Variants in GRID1 observed in about 807,000 individuals in gnomAD.
The protein encoded by GRID1 is glutamate ionotropic receptor delta type subunit 1, also known as glutamate receptor ionotropic, delta-1.
In GRID1, 28 loss-of-function variants were observed where a neutral mutation model predicts 98.0. The ratio of observed to expected loss-of-function variants is 0.29; its 90% CI spans 0.21 to 0.39. The LOEUF is 0.39. Ranked by LOEUF, GRID1 falls within the 10% of genes least tolerant of loss-of-function variation. The pLI is 1.00. For missense variants in GRID1, 1,111 were observed against 1,340.5 expected (o/e 0.83, Z 2.67); for synonymous variants, 553 against 538.5 (o/e 1.03, Z -0.37).
chr10:85,862,083 C>T (rs1426217193), intron 6 of GRID1, among the ~76,000 whole-genome samples: 3 of 152,222 alleles, frequency 2.0e-5, no homozygotes, highest in African/African-American at 7.2e-5. Flanking sequence ...CCTCTCACCC[C>T]TTGCCCCAGG....
intron 8 of GRID1, among the ~76,000 whole-genome samples, chr10:85,749,753 T>C (rs907322716): frequency 1.1e-4 from 16 of 152,320 alleles, no homozygotes; most frequent in East Asian, 1.9e-4. Context: ...TTAGAGCCTT[T>C]GTACATGCTC....
chr10:85,841,202 G>C (rs926093212), intron 8 of GRID1, among the ~76,000 whole-genome samples: 5 of 152,076 alleles, frequency 3.3e-5, no homozygotes, highest in African/African-American at 1.2e-4. Flanking sequence ...ACAACTACCT[G>C]ATCTTCAACA....
intron 12 of GRID1, among the ~76,000 whole-genome samples, chr10:85,715,968 A>G (rs2132642166): frequency 6.6e-6 from 1 of 151,200 alleles, no homozygotes; most frequent in South Asian, 2.1e-4. Context: ...GTGCAGTGGC[A>G]TGATCTCGGC....
intron 5 of GRID1, among the ~76,000 whole-genome samples, chr10:85,877,544 C>T (rs1403778422): frequency 5.9e-5 from 9 of 152,214 alleles, no homozygotes. Context: ...CTCCAACAGA[C>T]CTCCAGCTGA....
At chr10:85,786,578 C>T (rs1842431208) in intron 8 of GRID1, among the ~76,000 whole-genome samples, 2 of 152,206 alleles carry the variant, frequency 1.3e-5, no homozygotes, top group South Asian at 4.1e-4. Context: ...AGCTTTCTCC[C>T]CGACATCCCT....
At chr10:86,256,523 G>A (rs1457063657) in intron 2 of GRID1, among the ~76,000 whole-genome samples, 1 of 152,086 alleles carries the variant, frequency 6.6e-6, no homozygotes, top group Non-Finnish European at 1.5e-5. Flanking sequence ...AACTCACCCT[G>A]TTGGCAAGAG....
intron 4 of GRID1, among the ~76,000 whole-genome samples, chr10:85,928,210 A>C (rs1340213335): frequency 6.6e-6 from 1 of 152,212 alleles, no homozygotes; most frequent in Non-Finnish European, 1.5e-5. Context: ...CCTGTGATCC[A>C]GCTGCTCTGG....
At chr10:85,863,734 G>A (rs112837266) in intron 6 of GRID1, among the ~76,000 whole-genome samples, 11,279 of 152,300 alleles carry the variant, frequency 0.074, 481 homozygotes, top group Middle Eastern at 0.13. Context: ...GAGGACAGGA[G>A]GGTGTGCCTG....
At chr10:85,680,676 C>T (rs1841198706) in intron 12 of GRID1, among the ~76,000 whole-genome samples, 1 of 152,150 alleles carries the variant, frequency 6.6e-6, no homozygotes. Context: ...TGCACTCATG[C>T]TCATGTTTAT....
intron 8 of GRID1, among the ~76,000 whole-genome samples, chr10:85,824,236 A>G (rs1254085469): frequency 6.6e-6 from 1 of 152,094 alleles, no homozygotes; most frequent in East Asian, 1.9e-4. Context: ...GCCTTGTCGC[A>G]AGAGTACGAT....
At chr10:85,623,466 C>A (rs2132525690) in intron 13 of GRID1, among the ~76,000 whole-genome samples, 1 of 152,284 alleles carries the variant, frequency 6.6e-6, no homozygotes, top group Admixed American at 6.5e-5. Flanking sequence ...TTCCACGTGG[C>A]CCCAAATAAT....
chr10:85,776,536 G>T (rs895549257), intron 8 of GRID1, among the ~76,000 whole-genome samples: 5 of 152,204 alleles, frequency 3.3e-5, no homozygotes, highest in African/African-American at 1.2e-4. Flanking sequence ...GAACTGGGGT[G>T]GCCTGTGTTG....
At chr10:86,085,430 C>T (rs1028494810) in intron 4 of GRID1, among the ~76,000 whole-genome samples, 7 of 152,156 alleles carry the variant, frequency 4.6e-5, no homozygotes, top group Admixed American at 3.9e-4. Context: ...GGAAAACAGG[C>T]ATGAAAGCAG....
At chr10:85,933,130 C>T (rs1841879570) in intron 4 of GRID1, among the ~76,000 whole-genome samples, 1 of 151,964 alleles carries the variant, frequency 6.6e-6, no homozygotes, top group South Asian at 2.1e-4. Context: ...GAGTTTGACT[C>T]CCTCTTGCTC....
chr10:85,966,681 G>A (rs1397764568), intron 4 of GRID1, among the ~76,000 whole-genome samples: 1 of 152,046 alleles, frequency 6.6e-6, no homozygotes, highest in Non-Finnish European at 1.5e-5. Context: ...GGACATGGTG[G>A]TGTGTACCTG....
At chr10:86,272,463 C>A (rs2132062242) in intron 2 of GRID1, among the ~76,000 whole-genome samples, 1 of 152,304 alleles carries the variant, frequency 6.6e-6, no homozygotes, top group African/African-American at 2.4e-5. Flanking sequence ...GAAGTGCCAT[C>A]CCATGTTCCC....
intron 8 of GRID1, among the ~76,000 whole-genome samples, chr10:85,835,072 A>G (rs1257959316): frequency 6.6e-6 from 1 of 152,236 alleles, no homozygotes; most frequent in African/African-American, 2.4e-5. Flanking sequence ...TAAAATCAAC[A>G]GAGATAAAGA....
chr10:85,852,721 C>T (rs1843071441), intron 8 of GRID1, among the ~76,000 whole-genome samples: 1 of 152,170 alleles, frequency 6.6e-6, no homozygotes. Context: ...CCAATGCAAG[C>T]CCATATCTCT....
At chr10:85,822,430 T>A (rs1308396354) in intron 8 of GRID1, among the ~76,000 whole-genome samples, 1 of 152,034 alleles carries the variant, frequency 6.6e-6, no homozygotes, top group African/African-American at 2.4e-5. Context: ...AACAGACACA[T>A]GAAAAAATGC....
Sources: allele counts gnomAD v4.1 joint callset (sites outside exome capture counted in the v4.1 genomes callset), GRCh38; gene constraint gnomAD v4.1.1; transcripts MANE v1.5; gene names NCBI Gene and HGNC (gene_info 2026-07-23, HGNC 2026-07-21).